Variants in NPBWR1 observed in about 807,000 individuals in gnomAD.
NPBWR1 encodes the protein neuropeptides B/W receptor type 1.
In NPBWR1, 4 loss-of-function variants were observed where a neutral mutation model predicts 2.8. The ratio of observed to expected loss-of-function variants is 1.44; its 90% CI spans 0.71 to 3.29. The LOEUF is 3.29. NPBWR1 is among the 30% of genes most tolerant of loss of function. The pLI, the probability that NPBWR1 is intolerant of heterozygous loss-of-function variation, is 0.01. For synonymous variants in NPBWR1, 250 were observed against 224.5 expected (o/e 1.11, Z -1.02); for missense variants, 545 against 462.5 (o/e 1.18, Z -1.64).
Position 52,940,378 on chromosome 8 carries a change from G to C in NPBWR1, c.471G>C (p.Ala157=). 6.2e-7 allele frequency: 1 copy of C among 1,603,894 alleles called. No individual in the cohort carries two copies. Among genetic ancestry groups the C allele is most frequent in the Non-Finnish European group, 8.5e-7 (1 of 1,178,520 alleles). ...GCCGCACCTACAGCGCCGCGCGCGC[G>C]GTGAGCCTGGCCGTGTGGGGGATCG... ...VAGRTYSAAR[A]VSLAVWGIVT... The change falls in exon 2 of 2, where the codon GCG becomes GCC. Residue 157 remains alanine, a synonymous_variant. Transcript: ENST00000674939.
chr8:52,939,856 G>T lies in NPBWR1; in HGVS notation c.-52G>T, dbSNP rs560235944. On this transcript the variant is annotated 5_prime_UTR_variant, in exon 2 of 2. Transcript: ENST00000674939. ...CCGGGCTTCAGGACCGCTGAGCTCC[G>T]TAGGGCGTCCTTGGGGGACGCCAGG... 314 of 1,470,558 alleles carry T rather than the reference G, an allele frequency of 2.1e-4. 1 individual carries two copies. The highest frequency in any genetic ancestry group is 2.5e-4 in the Non-Finnish European group (279 of 1,119,328). 91.1% of individuals were successfully genotyped at this position (1,470,558 alleles called of 1,614,324 possible).
rs574969926 is a variant in NPBWR1, at chr8:52,939,785, G to T, written c.-123G>T. On this transcript the variant is annotated 5_prime_UTR_variant, in exon 2 of 2. Transcript: ENST00000674939. ...CCCTCCTCCGGAAAAACCAGAGAAC[G>T]GCTTGGAGAGCTGAAACGAGCGTCC... 7.0e-6 allele frequency: 8 copies of T among 1,145,058 alleles called. No homozygotes were observed. Among genetic ancestry groups the T allele is most frequent in the Non-Finnish European group, 7.1e-6 (6 of 843,070 alleles). The allele number at this position is 1,145,058 out of a possible 1,614,324, so 70.9% of individuals were successfully genotyped here. A position where few individuals can be genotyped will look rare whatever the true frequency, so the allele number is the denominator to read the frequency against.
intron 1 of NPBWR1, 102 bp from the exon 2 acceptor site, chr8:52,939,609 T>C: frequency 2.5e-6 from 1 of 392,722 alleles, no homozygotes; most frequent in Non-Finnish European, 4.5e-6. Flanking sequence ...GTGGAGGAGG[T>C]TTGGGGCGCC....
rs779671508 is a variant in NPBWR1 at position 52,940,439 on chromosome 8, C to A, written c.532C>A (p.Arg178=). Residue 178 remains arginine (R), a synonymous_variant, in exon 2 of 2, where the codon CGG becomes AGG. Transcript: ENST00000674939. ...CGTGCTGCCCTTCGCAGTCTTCGCC[C>A]GGCTAGACGACGAGCAGGGCCGGCG... The part of the protein sequence containing the change: ...LVVLPFAVFA[R]LDDEQGRRQC... 4 of 1,594,890 alleles carry A rather than the reference C, an allele frequency of 2.5e-6. No individual in the cohort carries two copies. The African/African-American group carries it at 5.4e-5, about 21-fold the overall frequency.
chr8:52,941,308 C>T lies in NPBWR1; in HGVS notation c.*414C>T, dbSNP rs1056428675. ...TTCGAAGGGAGGCCCGAGGACGCTG[C>T]CGGCGCCCCCAGGCGTCGGCTCCGC... On this transcript the variant is annotated 3_prime_UTR_variant, in exon 2 of 2. Transcript: ENST00000674939. Among the ~76,000 whole-genome samples the T allele has an allele frequency of 6.6e-6, 1 of 152,216 alleles. No individual in the cohort carries two copies. Among genetic ancestry groups the T allele is most frequent in the South Asian group, 2.1e-4 (1 of 4,832 alleles).
chr8:52,940,898 C>A lies in NPBWR1; in HGVS notation c.*4C>A. 5 of 1,586,604 alleles carry A rather than the reference C, an allele frequency of 3.2e-6. No homozygotes were observed. The highest frequency in any genetic ancestry group is 4.3e-6 in the Non-Finnish European group (5 of 1,167,776). ...AACTTGCCGCGCGGCAGCCTGACTC[C>A]CCCAGCGTCCGGCTCCGCAACTGCC... is the stretch of plus-strand genomic sequence containing the variant. On this transcript the variant is annotated 3_prime_UTR_variant, in exon 2 of 2. Coordinates refer to ENST00000674939, the MANE Select transcript of NPBWR1 (RefSeq NM_005285.5).
chr8:52,940,748 C>T lies in NPBWR1; in HGVS notation c.841C>T (p.Gln281Ter), dbSNP rs1447164878. 6.2e-7 allele frequency: 1 copy of T among 1,614,024 alleles called. No homozygotes were observed. The highest frequency in any genetic ancestry group is 1.3e-5 in the African/African-American group (1 of 75,070). Residue 281 changes from glutamine to a stop codon, truncating the protein, a stop_gained, in exon 2 of 2, where the codon CAG (glutamine) becomes TAG (stop). Transcript: ENST00000674939. LOFTEE classifies it high-confidence loss of function. The stretch of plus-strand genomic sequence containing the variant: ...GGTGGCGCTCACCACCGACCTCCCG[C>T]AGACGCCGCTGGTCATCGCTATCTC... ...TVVALTTDLP[Q>*]TPLVIAISYF...
In NPBWR1 at chr8:52,940,152, C is replaced by T; in HGVS notation, c.245C>T (p.Ala82Val). Residue 82 changes from alanine to valine, a missense_variant, in exon 2 of 2, where the codon GCC (alanine) becomes GTC (valine). Physicochemically the swap from Ala to Val is moderately conservative, Grantham distance 64. Coordinates refer to ENST00000674939, the MANE Select transcript of NPBWR1 (RefSeq NM_005285.5). ...TNLFILNLAI[A>V]DELFTLVLPI... ...CTGTTCATCCTCAACCTGGCCATCG[C>T]CGACGAGCTCTTCACGCTGGTGCTG... The T allele has an allele frequency of 1.1e-5, 17 of 1,613,566 alleles. No individual in the cohort carries two copies. The highest frequency in any genetic ancestry group is 1.4e-5 in the Non-Finnish European group (16 of 1,179,992).
In NPBWR1 at chr8:52,940,036, C is replaced by T. The variant is rs1308163314; in HGVS notation, c.129C>T (p.Val43=). Residue 43 remains valine, a synonymous_variant, in exon 2 of 2, where the codon GTC becomes GTT. Transcript: ENST00000674939. ...CGCTGGCGGTGGCTGTACCAGTTGT[C>T]TACGCGGTGATCTGCGCCGTGGGTC... ...PAPLAVAVPV[V]YAVICAVGLA... is the part of the protein sequence containing the mutation. The T allele has an allele frequency of 1.2e-6, 2 of 1,607,150 alleles. No individual in the cohort carries two copies. The highest frequency in any genetic ancestry group is 2.2e-5 in the East Asian group (1 of 44,854).
rs762887875 is a variant in NPBWR1 at position 52,940,411 on chromosome 8, C to T, written c.504C>T (p.Leu168=). Residue 168 remains leucine, a synonymous_variant, in exon 2 of 2, where the codon CTC becomes CTT. Transcript: ENST00000674939. ...TGGCCGTGTGGGGGATCGTCACACT[C>T]GTCGTGCTGCCCTTCGCAGTCTTCG... ...VSLAVWGIVT[L]VVLPFAVFAR... 6.9e-6 allele frequency: 11 copies of T among 1,600,820 alleles called. No individual in the cohort carries two copies. In the Admixed American group the frequency reaches 1.8e-4, roughly 27 times the overall value.
rs566790550 is a variant in NPBWR1, at chr8:52,942,579, T to A, written c.*1685T>A. On this transcript the variant is annotated 3_prime_UTR_variant, in exon 2 of 2. Coordinates refer to ENST00000674939, the MANE Select transcript of NPBWR1 (RefSeq NM_005285.5). ...TGTTTGCTTAGTTTGGCATCTTCAA[T>A]CAATTTCTCAATTATTTAGGTTGAA... is the stretch of plus-strand genomic sequence containing the variant. 3.9e-5 allele frequency among the ~76,000 whole-genome samples: 6 copies of A among 152,356 alleles called. No homozygotes were observed. The East Asian group carries it at 1.2e-3, about 29-fold the overall frequency.
In NPBWR1 at chr8:52,939,984, C is replaced by A. The variant is rs764864940; in HGVS notation, c.77C>A (p.Ala26Glu). The A allele has an allele frequency of 1.9e-6, 3 of 1,601,874 alleles. No individual in the cohort carries two copies. The highest frequency in any genetic ancestry group is 2.5e-6 in the Non-Finnish European group (3 of 1,179,102). Residue 26 changes from alanine (A) to glutamate (E), a missense_variant, in exon 2 of 2, where the codon GCG becomes GAG. Coordinates refer to ENST00000674939, the MANE Select transcript of NPBWR1 (RefSeq NM_005285.5). ...GACCCGGCGCTGAGCTGCTCCAACG[C>A]GTCGACTCTGGCGCCGCTGCCGGCG... ...GPDPALSCSN[A>E]STLAPLPAPL... is the part of the protein sequence containing the mutation.
Position 52,941,466 on chromosome 8 carries a change from G to T in NPBWR1, c.*572G>T, listed in dbSNP as rs188102444. Among the ~76,000 whole-genome samples, 4,580 of 152,290 alleles carry T rather than the reference G, an allele frequency of 0.03. 102 individuals carry two copies. Among genetic ancestry groups the T allele is most frequent in the Non-Finnish European group, 0.044 (2,983 of 68,018 alleles). ...CGCTTGGCCTGGCGCCGCGGGCGGG[G>T]ACCGCTGCCGAGGCCGCCAGCGCCT... is the stretch of plus-strand genomic sequence containing the variant. On this transcript the variant is annotated 3_prime_UTR_variant, in exon 2 of 2. Coordinates refer to ENST00000674939, the MANE Select transcript of NPBWR1 (RefSeq NM_005285.5).
In NPBWR1 at chr8:52,940,903, G is replaced by C. The variant is rs757221837; in HGVS notation, c.*9G>C. On this transcript the variant is annotated 3_prime_UTR_variant, in exon 2 of 2. Transcript: ENST00000674939. ...GCCGCGCGGCAGCCTGACTCCCCCA[G>C]CGTCCGGCTCCGCAACTGCCCGCCA... is the stretch of plus-strand genomic sequence containing the variant. 7.6e-6 allele frequency: 12 copies of C among 1,581,030 alleles called. No individual in the cohort carries two copies. The East Asian group carries it at 2.0e-4, about 27-fold the overall frequency.
intron 1 of NPBWR1, 105 bp from the exon 2 acceptor site, chr8:52,939,606 A>C: frequency 2.6e-6 from 1 of 382,826 alleles, no homozygotes; most frequent in Non-Finnish European, 4.6e-6. Context: ...CACGTGGAGG[A>C]GGTTTGGGGC....
chr8:52,941,171 T>G lies in NPBWR1; in HGVS notation c.*277T>G. 1.9e-6 allele frequency: 1 copy of G among 518,834 alleles called. No individual in the cohort carries two copies. The highest frequency in any genetic ancestry group is 3.4e-6 in the Non-Finnish European group (1 of 292,312). 32.1% of individuals were successfully genotyped at this position (518,834 alleles called of 1,614,324 possible). A position where few individuals can be genotyped will look rare whatever the true frequency, so the allele number is the denominator to read the frequency against. Reference sequence around the variant, plus strand: ...AAGCCGAGGTGGAGGAAGAGGAGGGTAGAGGAGGAGGGCGGTATTGCTGGG... The same window carrying G: ...AAGCCGAGGTGGAGGAAGAGGAGGGGAGAGGAGGAGGGCGGTATTGCTGGG... On this transcript the variant is annotated 3_prime_UTR_variant, in exon 2 of 2. Transcript: ENST00000674939.
In NPBWR1 at chr8:52,940,344, G is replaced by A. The variant is rs138117839; in HGVS notation, c.437G>A (p.Arg146Gln). The change falls in exon 2 of 2, where the codon CGG becomes CAG. Residue 146 changes from arginine to glutamine, a missense_variant. Physicochemically the swap from Arg to Gln is conservative, Grantham distance 43 (BLOSUM62 1). Transcript: ENST00000674939. ...LVVLATAESRRVAGRTYSAAR... is the reference protein window; with the variant it reads ...LVVLATAESRQVAGRTYSAAR... ...GTGTTGGCCACTGCGGAGTCGCGCC[G>A]GGTGGCCGGCCGCACCTACAGCGCC... 128 of 1,609,594 alleles carry A rather than the reference G, an allele frequency of 8.0e-5. No individual in the cohort carries two copies. The African/African-American group carries it at 1.6e-3, about 20-fold the overall frequency.
chr8:52,940,451 G>T lies in NPBWR1; in HGVS notation c.544G>T (p.Glu182Ter). ...PFAVFARLDD[E>*]QGRRQCVLVF... ...CGCAGTCTTCGCCCGGCTAGACGACGAGCAGGGCCGGCGCCAGTGCGTGCT... is the reference window on the plus strand; with the variant it reads ...CGCAGTCTTCGCCCGGCTAGACGACTAGCAGGGCCGGCGCCAGTGCGTGCT... The change falls in exon 2 of 2, where the codon GAG becomes TAG. Residue 182 changes from glutamate to a stop codon, truncating the protein, a stop_gained. Transcript: ENST00000674939. LOFTEE classifies it low-confidence loss of function (END_TRUNC). 3 of 1,590,328 alleles carry T rather than the reference G, an allele frequency of 1.9e-6. No homozygotes were observed. The highest frequency in any genetic ancestry group is 1.7e-6 in the Non-Finnish European group (2 of 1,173,856).
Position 52,940,371 on chromosome 8 carries a change from C to A in NPBWR1, c.464C>A (p.Ala155Glu). 6.2e-7 allele frequency: 1 copy of A among 1,605,154 alleles called. No homozygotes were observed. The highest frequency in any genetic ancestry group is 1.1e-5 in the South Asian group (1 of 90,872). ...GTGGCCGGCCGCACCTACAGCGCCG[C>A]GCGCGCGGTGAGCCTGGCCGTGTGG... Reference protein sequence around the residue: ...RRVAGRTYSAARAVSLAVWGI... With the variant: ...RRVAGRTYSAERAVSLAVWGI... Residue 155 changes from alanine (A) to glutamate (E), a missense_variant, in exon 2 of 2, where the codon GCG (alanine) becomes GAG (glutamate). Transcript: ENST00000674939.
Sources: gnomAD v4.1 joint callset for allele counts (sites outside exome capture counted in the v4.1 genomes callset) on GRCh38, gnomAD v4.1.1 for gene constraint, MANE v1.5 for transcripts, NCBI Gene and HGNC (gene_info 2026-07-23, HGNC 2026-07-21) for gene names.